Variants in SCAND3 observed in about 807,000 individuals in gnomAD.
SCAND3 encodes the protein SCAN domain containing 3.
At chr6:28,587,346 C>T in the SCAND3 span, 1 of 152,418 alleles carries the variant, frequency 6.6e-6, no homozygotes. Context: ...ACTTCCGGTC[C>T]GCTCTAGGAT....
the SCAND3 span, chr6:28,573,277 T>C: frequency 5.6e-6 from 9 of 1,614,150 alleles, no homozygotes; most frequent in South Asian, 5.5e-5. Context: ...TATGGTGTCA[T>C]TGGAAAGTGG....
the SCAND3 span, chr6:28,589,852 G>GTTTTTTTTTTTTTTTTT: frequency 8.5e-6 from 1 of 117,668 alleles, no homozygotes; most frequent in Non-Finnish European, 1.7e-5. Flanking sequence ...TTGTTTTTTT[G>GTTTTTTTTTTTTTTTTT]TTTGTTTTTT....
At chr6:28,612,073 G>T in the SCAND3 span, among the ~76,000 whole-genome samples, 1 of 151,038 alleles carries the variant, frequency 6.6e-6, no homozygotes, top group Admixed American at 6.6e-5. Flanking sequence ...GTCTCACTCT[G>T]TTTCCCAGGC....
the SCAND3 span, among the ~76,000 whole-genome samples, chr6:28,610,178 A>T: frequency 3.2e-4 from 49 of 152,278 alleles, no homozygotes; most frequent in South Asian, 6.6e-3. Context: ...CAGGTTTTTA[A>T]AATAACCTTA....
At chr6:28,589,591 A>G in the SCAND3 span, 2 of 152,210 alleles carry the variant, frequency 1.3e-5, no homozygotes, top group Non-Finnish European at 2.9e-5. Flanking sequence ...CTATCCAAGC[A>G]TGAAAGTACC....
chr6:28,593,382 T>G, the SCAND3 span, among the ~76,000 whole-genome samples: 3 of 120,274 alleles, frequency 2.5e-5, no homozygotes, highest in Admixed American at 1.6e-4. Context: ...AGAATGAGTT[T>G]TTTTTTTTTT....
At chr6:28,570,787 A>G in the SCAND3 span, 1 of 152,312 alleles carries the variant, frequency 6.6e-6, no homozygotes, top group African/African-American at 2.4e-5. Flanking sequence ...AACCTGTTTT[A>G]TCGGACTAAT....
the SCAND3 span, chr6:28,586,174 A>T: frequency 4.0e-6 from 3 of 744,520 alleles, no homozygotes; most frequent in Non-Finnish European, 6.8e-6. The surrounding 1 kb of genome is among the most constrained non-coding windows in gnomAD (Gnocchi z 4.4). Context: ...TACACCAGTG[A>T]TCAAATAAGA....
chr6:28,586,446 ATCTGCTCCTTGGTATG>A, the SCAND3 span: 7 of 1,614,060 alleles, frequency 4.3e-6, no homozygotes, highest in East Asian at 1.6e-4. This position sits in a 1 kb window ranked among gnomAD's most constrained non-coding sequence, Gnocchi z 4.4. Context: ...CAATTCCAGG[ATCTGCTCCTTGGTATG>A]TATCTCTGGG....
chr6:28,575,067 T>G, the SCAND3 span: 1 of 1,614,210 alleles, frequency 6.2e-7, no homozygotes, highest in South Asian at 1.1e-5. The surrounding 1 kb of genome is among the most constrained non-coding windows in gnomAD (Gnocchi z 4.2). Context: ...ATTCATTTTC[T>G]GTATGCAAGC....
At chr6:28,603,146 A>G in the SCAND3 span, among the ~76,000 whole-genome samples, 1 of 151,858 alleles carries the variant, frequency 6.6e-6, no homozygotes, top group Non-Finnish European at 1.5e-5. Flanking sequence ...TTGTATTTTT[A>G]GTAGAGACGG....
At chr6:28,599,280 T>C in the SCAND3 span, among the ~76,000 whole-genome samples, 1 of 152,202 alleles carries the variant, frequency 6.6e-6, no homozygotes, top group East Asian at 1.9e-4. Context: ...AAAACCCCAG[T>C]GAGATACTTA....
At chr6:28,579,278 C>T in the SCAND3 span, 1 of 1,613,062 alleles carries the variant, frequency 6.2e-7, no homozygotes, top group Non-Finnish European at 8.5e-7. The surrounding 1 kb of genome is among the most constrained non-coding windows in gnomAD (Gnocchi z 4.5). Context: ...TCACCATTAT[C>T]TTGAAGTGGG....
chr6:28,579,215 C>A, the SCAND3 span: 1 of 1,508,050 alleles, frequency 6.6e-7, no homozygotes. This position sits in a 1 kb window ranked among gnomAD's most constrained non-coding sequence, Gnocchi z 4.5. Flanking sequence ...ACTTTCAATA[C>A]TAGACCCTTC....
chr6:28,576,760 T>C, the SCAND3 span, among the ~76,000 whole-genome samples: 3 of 150,700 alleles, frequency 2.0e-5, no homozygotes, highest in African/African-American at 7.3e-5. Context: ...TTGTTTACTA[T>C]GCAAAGACTT....
At chr6:28,608,309 C>T in the SCAND3 span, among the ~76,000 whole-genome samples, 5 of 152,212 alleles carry the variant, frequency 3.3e-5, no homozygotes, top group African/African-American at 1.2e-4. Context: ...GTGTGGAGAC[C>T]AGAGGTCTGA....
the SCAND3 span, chr6:28,616,034 T>G: frequency 6.6e-6 from 1 of 152,192 alleles, no homozygotes; most frequent in Non-Finnish European, 1.5e-5. This position sits in a 1 kb window ranked among gnomAD's most constrained non-coding sequence, Gnocchi z 4.3. Flanking sequence ...CCTTATACAC[T>G]CGGGCCTTCT....
At chr6:28,587,938 C>G in the SCAND3 span, 1 of 152,140 alleles carries the variant, frequency 6.6e-6, no homozygotes, top group African/African-American at 2.4e-5. Context: ...TTCAAGCAGT[C>G]ACTGGGTTCC....
At chr6:28,612,683 C>A in the SCAND3 span, among the ~76,000 whole-genome samples, 1 of 152,196 alleles carries the variant, frequency 6.6e-6, no homozygotes, top group Admixed American at 6.5e-5. Context: ...TTGTGCATTT[C>A]TAAACATTTA....
Sources: gnomAD v4.1 joint callset for allele counts (sites outside exome capture counted in the v4.1 genomes callset) on GRCh38, gnomAD v4.1.1 for gene constraint, Gnocchi (gnomAD v3.1) non-coding constraint, MANE v1.5 for transcripts, NCBI Gene and HGNC (gene_info 2026-07-23, HGNC 2026-07-21) for gene names.